The following RAB7A variants were observed in gnomAD, a reference collection of about 807,000 sequenced individuals.
RAB7A encodes RAB7A, member RAS oncogene family.
RAB7A carries 2 observed loss-of-function variants against 24.5 expected under a neutral mutation model. The observed-to-expected ratio is 0.08, with a 90% confidence interval of 0.03 to 0.26. The LOEUF (loss-of-function observed/expected upper bound fraction) is 0.26, where lower values mean the gene tolerates loss of function less well. Among genes scored for constraint, RAB7A ranks in the 10% least tolerant of loss-of-function variants. The pLI, the probability that RAB7A is intolerant of heterozygous loss-of-function variation, is 1.00. For synonymous variants in RAB7A, 100 were observed against 95.9 expected (o/e 1.04, Z -0.25); for missense variants, 118 against 255.7 (o/e 0.46, Z 3.67).
chr3:128,737,651 C>CT (rs76319408), intron 1 of RAB7A, among the ~76,000 whole-genome samples: 2,934 of 138,686 alleles, frequency 0.021, 60 homozygotes, highest in African/African-American at 0.057. Flanking sequence ...TTCTGTCTCT[C>CT]TTTTTTTTTT....
chr3:128,727,926 CG>C (rs1254590849), intron 1 of RAB7A, among the ~76,000 whole-genome samples: 3 of 151,270 alleles, frequency 2.0e-5, no homozygotes, highest in Non-Finnish European at 4.4e-5. Flanking sequence ...TAAAGCTTAG[CG>C]TTCACAATCC....
At chr3:128,731,708 T>C (rs2107581394) in intron 1 of RAB7A, among the ~76,000 whole-genome samples, 1 of 152,220 alleles carries the variant, frequency 6.6e-6, no homozygotes, top group Non-Finnish European at 1.5e-5. Flanking sequence ...TTTCACCCCT[T>C]GTAAAAGTGT....
At chr3:128,765,656 G>T (rs373528017) in intron 1 of RAB7A, among the ~76,000 whole-genome samples, 1 of 152,134 alleles carries the variant, frequency 6.6e-6, no homozygotes, top group Non-Finnish European at 1.5e-5. Flanking sequence ...GGTGGAAGGG[G>T]CGAGGTGGCT....
intron 1 of RAB7A, among the ~76,000 whole-genome samples, chr3:128,731,398 C>T (rs2070435304): frequency 6.6e-6 from 1 of 152,248 alleles, no homozygotes; most frequent in African/African-American, 2.4e-5. Context: ...TTAAAACCCA[C>T]TCTTAAATCC....
At chr3:128,772,827 A>T (rs1169558417) in intron 1 of RAB7A, among the ~76,000 whole-genome samples, 1 of 152,228 alleles carries the variant, frequency 6.6e-6, no homozygotes, top group African/African-American at 2.4e-5. Context: ...CCTAACCGCG[A>T]GTGATCTGCC....
At chr3:128,799,668 T>C (rs1933658170) in intron 3 of RAB7A, among the ~76,000 whole-genome samples, 1 of 152,208 alleles carries the variant, frequency 6.6e-6, no homozygotes, top group Non-Finnish European at 1.5e-5. Context: ...ATCTTCAAAA[T>C]GTAACTACAG....
At chr3:128,780,388 C>T (rs1394622701) in intron 1 of RAB7A, among the ~76,000 whole-genome samples, 1 of 151,406 alleles carries the variant, frequency 6.6e-6, no homozygotes, top group South Asian at 2.1e-4. Flanking sequence ...TGTGTAGATG[C>T]CCTTGTCCAG....
At chr3:128,806,282 C>T in intron 3 of RAB7A, 90 bp from the exon 4 acceptor site, 3 of 1,226,672 alleles carry the variant, frequency 2.4e-6, no homozygotes, top group Non-Finnish European at 3.5e-6. Context: ...GCCCCACAAT[C>T]TAGCCTATTT....
chr3:128,763,896 A>G (rs1482182162), intron 1 of RAB7A, among the ~76,000 whole-genome samples: 1 of 111,572 alleles, frequency 9.0e-6, no homozygotes, highest in East Asian at 3.0e-4. Flanking sequence ...TTCAACTAAT[A>G]TAGTTCCTAC....
chr3:128,793,837 G>T (rs1232973098), intron 1 of RAB7A, among the ~76,000 whole-genome samples: 1 of 152,214 alleles, frequency 6.6e-6, no homozygotes, highest in African/African-American at 2.4e-5. Context: ...TCACAGTCCA[G>T]CCATGGGCAT....
intron 1 of RAB7A, chr3:128,764,563 TG>T (rs2070809460): frequency 6.5e-6 from 9 of 1,374,962 alleles, no homozygotes; most frequent in Non-Finnish European, 8.2e-6. Flanking sequence ...GTTGGTCACG[TG>T]GTCACCCAAT....
chr3:128,788,155 A>G (rs1302458393), intron 1 of RAB7A, among the ~76,000 whole-genome samples: 1 of 152,252 alleles, frequency 6.6e-6, no homozygotes, highest in African/African-American at 2.4e-5. Context: ...TGTCTTGGTT[A>G]TCACATCAAT....
intron 1 of RAB7A, chr3:128,748,895 T>G (rs924590733): frequency 6.6e-6 from 1 of 152,272 alleles, no homozygotes; most frequent in Admixed American, 6.5e-5. Context: ...CTTGTCACCA[T>G]GGTGTAGAGA....
intron 1 of RAB7A, among the ~76,000 whole-genome samples, chr3:128,728,379 T>C (rs1404925552): frequency 6.6e-6 from 1 of 152,246 alleles, no homozygotes; most frequent in Non-Finnish European, 1.5e-5. Flanking sequence ...AAGATAATAT[T>C]ACAGTTTCTA....
chr3:128,806,906 G>A (rs1933815865), intron 4 of RAB7A, among the ~76,000 whole-genome samples: 1 of 152,246 alleles, frequency 6.6e-6, no homozygotes, highest in South Asian at 2.1e-4. Flanking sequence ...AGTACCTCCA[G>A]GCCATGCCTG....
chr3:128,800,719 C>T (rs1462332307), intron 3 of RAB7A, among the ~76,000 whole-genome samples: 5 of 152,200 alleles, frequency 3.3e-5, no homozygotes, highest in East Asian at 1.9e-4. Context: ...GGGAAAGAGA[C>T]GGGCAGCACA....
chr3:128,759,185 CTG>C (rs1420953109), intron 1 of RAB7A, among the ~76,000 whole-genome samples: 1 of 152,202 alleles, frequency 6.6e-6, no homozygotes, highest in Non-Finnish European at 1.5e-5. Context: ...TACAGGGAAA[CTG>C]AGAATTTACA....
intron 1 of RAB7A, among the ~76,000 whole-genome samples, chr3:128,793,568 C>T (rs1230572526): frequency 6.6e-6 from 1 of 152,182 alleles, no homozygotes. Context: ...AAACTTGCCC[C>T]CATTATCATC....
intron 1 of RAB7A, among the ~76,000 whole-genome samples, chr3:128,792,617 A>G (rs1933481133): frequency 6.6e-6 from 1 of 151,356 alleles, no homozygotes; most frequent in South Asian, 2.1e-4. Flanking sequence ...TATGTTGGCC[A>G]GGGTGGTCTT....
Sources: gnomAD v4.1 joint callset for allele counts (sites outside exome capture counted in the v4.1 genomes callset) on GRCh38, gnomAD v4.1.1 for gene constraint, MANE v1.5 for transcripts, NCBI Gene and HGNC (gene_info 2026-07-23, HGNC 2026-07-21) for gene names.